Variants in MYH15 observed in about 807,000 individuals in gnomAD.
MYH15 encodes myosin heavy chain 15.
In MYH15, 227 loss-of-function variants were observed where a neutral mutation model predicts 240.5. That is an observed-to-expected ratio of 0.94 (90% CI 0.85 to 1.05). MYH15 has a LOEUF of 1.05. Among genes scored for constraint, MYH15 ranks in the 50% least tolerant of loss-of-function variants. The pLI, the probability that MYH15 is intolerant of heterozygous loss-of-function variation, is 0.00. For synonymous variants in MYH15, 785 were observed against 796.7 expected (o/e 0.99, Z 0.25); for missense variants, 2,217 against 2,247.5 (o/e 0.99, Z 0.27).
rs763837928 is a variant in MYH15 at position 108,439,768 on chromosome 3, G to A, written c.3044C>T (p.Ala1015Val). The A allele has an allele frequency of 1.6e-5, 26 of 1,608,622 alleles. No homozygotes were observed. Among genetic ancestry groups the A allele is most frequent in the South Asian group, 2.2e-5 (2 of 90,052 alleles). ...AACTTGCTGTTCCAGCTTCAGATTT[G>A]CTTTGCTCAGGCTGCTGAGCTTCTC... ...EEEKLSSLSK[A>V]NLKLEQQVDE... Residue 1015 changes from alanine to valine, a missense_variant, in exon 24 of 41, where the codon GCA becomes GTA. Physicochemically the swap from Ala to Val is moderately conservative, Grantham distance 64. Coordinates refer to ENST00000693548, the MANE Select transcript of MYH15 (RefSeq NM_014981.3).
At chr3:108,390,251 A>G (rs2082413977) in intron 37 of MYH15, among the ~76,000 whole-genome samples, 1 of 152,206 alleles carries the variant, frequency 6.6e-6, no homozygotes, top group Admixed American at 6.5e-5. Context: ...ACTATTGGAT[A>G]TCATTCTAAT....
Position 108,381,539 on chromosome 3 carries a change from G to C in MYH15, c.*6C>G, listed in dbSNP as rs759899373. On this transcript the variant is annotated 3_prime_UTR_variant, in exon 41 of 41. Transcript: ENST00000693548. ...TCCAGCTGTTGTCCTTTCAAAGCAG[G>C]GGATGCTATTCTTCTTGAACCTGAA... 1.9e-6 allele frequency: 3 copies of C among 1,613,688 alleles called. No homozygotes were observed. The African/African-American group carries it at 4.0e-5, about 22-fold the overall frequency.
intron 1 of MYH15, among the ~76,000 whole-genome samples, chr3:108,507,918 A>G (rs896106469): frequency 6.6e-6 from 1 of 152,186 alleles, no homozygotes; most frequent in African/African-American, 2.4e-5. Flanking sequence ...TTAAGGTAAA[A>G]TGCTCTGCAT....
intron 1 of MYH15, among the ~76,000 whole-genome samples, chr3:108,508,960 C>T (rs971393127): frequency 3.3e-5 from 5 of 152,010 alleles, no homozygotes; most frequent in African/African-American, 9.7e-5. Context: ...GAAGGCAGAC[C>T]GGACAAGTAT....
chr3:108,384,804 G>T (rs2082369553), intron 38 of MYH15, 22 bp from the exon 39 acceptor site: 4 of 1,593,164 alleles, frequency 2.5e-6, no homozygotes, highest in Non-Finnish European at 3.4e-6. Context: ...AGGCATGTAT[G>T]GGAAGGTGAT....
chr3:108,461,485 A>G (rs184662120), intron 16 of MYH15, among the ~76,000 whole-genome samples: 1 of 152,112 alleles, frequency 6.6e-6, no homozygotes, highest in East Asian at 1.9e-4. Flanking sequence ...AGAATTATTT[A>G]AAAAAAAGGC....
rs1199335383 is a variant in MYH15 at position 108,472,534 on chromosome 3, AAGC to A, written c.1234-1690_1234-1688del. Among the ~76,000 whole-genome samples the A allele has an allele frequency of 3.3e-5, 5 of 152,288 alleles. No homozygotes were observed. The East Asian group carries it at 9.6e-4, about 29-fold the overall frequency. ...CATCAAGAGCACACACGTACAAATAAAGCATCAAGAATGATTTTCATCCTCTGT... is the reference window on the plus strand; with the variant it reads ...CATCAAGAGCACACACGTACAAATAAATCAAGAATGATTTTCATCCTCTGT... On this transcript the variant is annotated intron_variant, in intron 12 of 40. Transcript: ENST00000693548.
At chr3:108,443,144 T>G (rs73850895) in intron 22 of MYH15, among the ~76,000 whole-genome samples, 18,196 of 152,236 alleles carry the variant, frequency 0.12, 1,182 homozygotes, top group South Asian at 0.25. Context: ...ATTTTACAAA[T>G]TGTGATTCTT....
At chr3:108,413,584 G>A (rs2107549891) in intron 30 of MYH15, among the ~76,000 whole-genome samples, 1 of 152,240 alleles carries the variant, frequency 6.6e-6, no homozygotes, top group East Asian at 1.9e-4. Flanking sequence ...AAATGCTTCA[G>A]TTCTATACCC....
intron 11 of MYH15, among the ~76,000 whole-genome samples, chr3:108,482,538 T>C (rs140778819): frequency 5.1e-4 from 78 of 152,280 alleles, no homozygotes; most frequent in Middle Eastern, 3.4e-3. Flanking sequence ...TTTTAAAGCA[T>C]GGAAAAAGCA....
chr3:108,418,043 T>C (rs576267623), intron 28 of MYH15, among the ~76,000 whole-genome samples: 1 of 152,238 alleles, frequency 6.6e-6, no homozygotes, highest in South Asian at 2.1e-4. Flanking sequence ...TATTTTGTTA[T>C]TGGCAACAAA....
At chr3:108,405,707 T>C (rs1175474608) in intron 32 of MYH15, among the ~76,000 whole-genome samples, 1 of 152,220 alleles carries the variant, frequency 6.6e-6, no homozygotes, top group Non-Finnish European at 1.5e-5. Context: ...TATTTTAAAA[T>C]AGAAAATTTC....
the MYH15 span, among the ~76,000 whole-genome samples, chr3:108,547,320 T>C: frequency 6.6e-6 from 1 of 152,078 alleles, no homozygotes; most frequent in Admixed American, 6.6e-5. Flanking sequence ...AAGTTAATTA[T>C]CTAGAATGTA....
chr3:108,545,745 T>G, the MYH15 span, among the ~76,000 whole-genome samples: 1 of 151,954 alleles, frequency 6.6e-6, no homozygotes, highest in African/African-American at 2.4e-5. Flanking sequence ...TTCAGGTATC[T>G]GAATCATTGT....
At chr3:108,507,071 T>C (rs2083482752) in intron 1 of MYH15, among the ~76,000 whole-genome samples, 1 of 151,774 alleles carries the variant, frequency 6.6e-6, no homozygotes, top group African/African-American at 2.4e-5. Flanking sequence ...CCAGGTGTGA[T>C]GGTGCATGAC....
chr3:108,459,017 C>A (rs144875346), intron 18 of MYH15, among the ~76,000 whole-genome samples: 1 of 149,374 alleles, frequency 6.7e-6, no homozygotes, highest in African/African-American at 2.5e-5. Flanking sequence ...CCTTAATCCC[C>A]TAATTGATTA....
intron 11 of MYH15, among the ~76,000 whole-genome samples, chr3:108,478,438 T>C (rs1364782045): frequency 1.3e-5 from 2 of 152,192 alleles, no homozygotes; most frequent in Admixed American, 6.5e-5. Context: ...GACATGCCCA[T>C]CCTATACTGA....
intron 12 of MYH15, among the ~76,000 whole-genome samples, chr3:108,471,505 C>T (rs1011267437): frequency 6.6e-6 from 1 of 152,172 alleles, no homozygotes; most frequent in Non-Finnish European, 1.5e-5. Context: ...CTGTCTAGCC[C>T]AGCTGCAGGA....
At chr3:108,405,202 A>C in intron 33 of MYH15, 136 bp downstream of exon 33, 1 of 447,354 alleles carries the variant, frequency 2.2e-6, no homozygotes, top group Non-Finnish European at 4.1e-6. Flanking sequence ...ATATAAAAGA[A>C]AATAATATAG....
Sources: gnomAD v4.1 joint callset for allele counts (sites outside exome capture counted in the v4.1 genomes callset) on GRCh38, gnomAD v4.1.1 for gene constraint, MANE v1.5 for transcripts, NCBI Gene and HGNC (gene_info 2026-07-23, HGNC 2026-07-21) for gene names.